Variants in PPP2R1A observed in about 807,000 individuals in gnomAD.
PPP2R1A encodes protein phosphatase 2 scaffold subunit Aalpha.
PPP2R1A carries 15 observed loss-of-function variants against 67.1 expected under a neutral mutation model. The ratio of observed to expected loss-of-function variants is 0.22; its 90% confidence interval spans 0.15 to 0.34. PPP2R1A has a LOEUF of 0.34. Ranked by LOEUF, PPP2R1A falls within the 10% of genes least tolerant of loss-of-function variation. The pLI is 1.00. For missense variants in PPP2R1A, 369 were observed against 775.0 expected (o/e 0.48, Z 6.22); for synonymous variants, 337 against 325.0 (o/e 1.04, Z -0.40).
At position 52,225,703 on chromosome 19, in the gene PPP2R1A, C is replaced by T. The variant is rs749546559; in HGVS notation, c.1662-14C>T. On this transcript the variant is annotated splice_polypyrimidine_tract_variant and intron_variant, in intron 13 of 14. Coordinates refer to ENST00000322088, the MANE Select transcript of PPP2R1A (RefSeq NM_014225.6). ...GGCTCACCCTCTCTCTCCCTGTCTC[C>T]TTTCGCTTTCCAGCACCTTGCAGAG... is the stretch of plus-strand genomic sequence containing the variant. 6.2e-7 allele frequency: 1 copy of T among 1,613,106 alleles called. No homozygotes were observed. The highest frequency in any genetic ancestry group is 8.5e-7 in the Non-Finnish European group (1 of 1,179,084).
rs1012758858 is a variant in PPP2R1A at position 52,219,988 on chromosome 19, C to A, written c.1302+124C>A. 10 of 1,316,998 alleles carry A rather than the reference C, an allele frequency of 7.6e-6. No individual in the cohort carries two copies. In the South Asian group the frequency reaches 1.4e-4, roughly 19 times the overall value. The allele number at this position is 1,316,998 out of a possible 1,614,324, so 81.6% of individuals were successfully genotyped here. ...AGGCTGTGACAACTGCCTGGGGAGT[C>A]GAAGGAAGGGACCCAGGAAATAGGG... is the stretch of plus-strand genomic sequence containing the variant. On this transcript the variant is annotated intron_variant, in intron 10 of 14. Coordinates refer to ENST00000322088, the MANE Select transcript of PPP2R1A (RefSeq NM_014225.6). This position sits in a 1 kb window ranked among gnomAD's most constrained non-coding sequence, Gnocchi z 4.0.
chr19:52,190,053 G>C lies in PPP2R1A; in HGVS notation c.-44G>C, dbSNP rs2089437328. 6.7e-7 allele frequency: 1 copy of C among 1,499,242 alleles called. No homozygotes were observed. The highest frequency in any genetic ancestry group is 9.0e-7 in the Non-Finnish European group (1 of 1,110,848). The allele number at this position is 1,499,242 out of a possible 1,614,324, so 92.9% of individuals were successfully genotyped here. On this transcript the variant is annotated 5_prime_UTR_variant, in exon 1 of 15. Coordinates refer to ENST00000322088, the MANE Select transcript of PPP2R1A (RefSeq NM_014225.6). ...CCAGCATTGCCCCCCCCACGTTTCA[G>C]CACAGCGCTGGCCGCAGTCTGACAG...
In PPP2R1A at chr19:52,211,292, G is replaced by A. The variant is rs766315805; in HGVS notation, c.303G>A (p.Glu101=). 7 of 1,613,162 alleles carry A rather than the reference G, an allele frequency of 4.3e-6. No individual in the cohort carries two copies. The East Asian group carries it at 1.6e-4, about 36-fold the overall frequency. The part of the protein sequence containing the change: ...PPLESLATVE[E]TVVRDKAVES... ...TGGAGTCGCTGGCCACAGTGGAGGAGACAGTGGTGCGGGACAAGGCAGTGG... is the reference window on the plus strand; with the variant it reads ...TGGAGTCGCTGGCCACAGTGGAGGAAACAGTGGTGCGGGACAAGGCAGTGG... The change falls in exon 4 of 15, where the codon GAG becomes GAA. Residue 101 remains glutamate, a synonymous_variant. Transcript: ENST00000322088. The surrounding 1 kb of genome is among the most constrained non-coding windows in gnomAD (Gnocchi z 5.3).
chr19:52,220,013 G>A, intron 10 of PPP2R1A, 149 bp downstream of exon 10: 1 of 1,238,634 alleles, frequency 8.1e-7, no homozygotes, highest in Non-Finnish European at 1.1e-6. Context: ...AGGAAATAGG[G>A]CCTTAAAAGA....
rs111434115 is a variant in PPP2R1A at position 52,202,892 on chromosome 19, G to A, written c.169+858G>A. On this transcript the variant is annotated intron_variant, in intron 2 of 14. Coordinates refer to ENST00000322088, the MANE Select transcript of PPP2R1A (RefSeq NM_014225.6). ...ACTGTATAGTACGTGCCGCCTAAGC[G>A]ATAGCTGCCAGGCTGTTACTAAGCA... Among the ~76,000 whole-genome samples the A allele has an allele frequency of 1.6e-3, 238 of 152,334 alleles. 1 individual carries two copies. Among genetic ancestry groups the A allele is most frequent in the African/African-American group, 5.6e-3 (231 of 41,572 alleles).
chr19:52,218,375 A>C (rs1259299280), intron 9 of PPP2R1A, among the ~76,000 whole-genome samples: 2 of 152,230 alleles, frequency 1.3e-5, no homozygotes, highest in Non-Finnish European at 2.9e-5. Flanking sequence ...GTAATCTCTT[A>C]GCCCCAGAAT....
In PPP2R1A at chr19:52,196,841, C is replaced by T. The variant is rs1459218764; in HGVS notation, c.79-5103C>T. ...CAGGTCCCCAAGTTGGCTGCCGAAG[C>T]CCCAACCATTATAGCTCCATTCCAG... On this transcript the variant is annotated intron_variant, in intron 1 of 14. Transcript: ENST00000322088. Among the ~76,000 whole-genome samples, 3 of 152,258 alleles carry T rather than the reference C, an allele frequency of 2.0e-5. No individual in the cohort carries two copies. In the East Asian group the frequency reaches 5.8e-4, roughly 29 times the overall value.
At position 52,201,928 on chromosome 19, in the gene PPP2R1A, C is replaced by G. The variant is rs757143630; in HGVS notation, c.79-16C>G. On this transcript the variant is annotated splice_polypyrimidine_tract_variant and intron_variant, in intron 1 of 14. Coordinates refer to ENST00000322088, the MANE Select transcript of PPP2R1A (RefSeq NM_014225.6). ...ATTTCTAACATTCTCCCCTCCTCTT[C>G]TTGTTCTCTCATTAGCTTCGCCTCA... The G allele has an allele frequency of 6.2e-7, 1 of 1,612,698 alleles. No homozygotes were observed. Among genetic ancestry groups the G allele is most frequent in the Admixed American group, 1.7e-5 (1 of 59,996 alleles).
At chr19:52,214,837 G>T (rs756114937) in intron 6 of PPP2R1A, among the ~76,000 whole-genome samples, 1 of 150,986 alleles carries the variant, frequency 6.6e-6, no homozygotes, top group African/African-American at 2.4e-5. Flanking sequence ...AGTGATTCTC[G>T]TGCCTTAGCC....
At chr19:52,210,334 C>T (rs1283149238) in intron 3 of PPP2R1A, among the ~76,000 whole-genome samples, 1 of 152,026 alleles carries the variant, frequency 6.6e-6, no homozygotes, top group Non-Finnish European at 1.5e-5. Context: ...CGAGCAGTCC[C>T]GAGCCCCATA....
At chr19:52,220,874 C>A in intron 11 of PPP2R1A, 105 bp from the exon 12 acceptor site, 1 of 1,347,368 alleles carries the variant, frequency 7.4e-7, no homozygotes, top group Non-Finnish European at 1.0e-6. Flanking sequence ...TGCAGCCTGG[C>A]ACCTAGGGGC....
chr19:52,201,757 T>A, intron 1 of PPP2R1A, 187 bp from the exon 2 acceptor site: 1 of 574,380 alleles, frequency 1.7e-6, no homozygotes, highest in South Asian at 2.0e-5. Flanking sequence ...GCCACTACTA[T>A]TGTTGTTATT....
intron 1 of PPP2R1A, among the ~76,000 whole-genome samples, chr19:52,194,088 CAAAAAAAA>C (rs915576804): frequency 9.9e-5 from 6 of 60,522 alleles, no homozygotes; most frequent in African/African-American, 1.4e-4. Flanking sequence ...ACCCTGTCTC[CAAAAAAAA>C]AAAAAAAAAA....
chr19:52,216,670 G>T lies in PPP2R1A; in HGVS notation c.1128+7G>T. On this transcript the variant is annotated splice_region_variant and intron_variant, in intron 9 of 14. Coordinates refer to ENST00000322088, the MANE Select transcript of PPP2R1A (RefSeq NM_014225.6). The surrounding 1 kb of genome is among the most constrained non-coding windows in gnomAD (Gnocchi z 4.3). ...GGCTCAGCTGAAGGATGAGGTAAGG[G>T]CACCAGGATCTCAGCTCTGGGTTTG... 1 of 1,614,104 alleles carries T rather than the reference G, an allele frequency of 6.2e-7. No homozygotes were observed. The highest frequency in any genetic ancestry group is 8.5e-7 in the Non-Finnish European group (1 of 1,180,018).
chr19:52,193,874 G>A (rs1267526642), intron 1 of PPP2R1A, among the ~76,000 whole-genome samples: 1 of 151,822 alleles, frequency 6.6e-6, no homozygotes, highest in Non-Finnish European at 1.5e-5. Context: ...CACTTTGGAA[G>A]GCCAAGGTGA....
rs970775792 is a variant in PPP2R1A, at chr19:52,228,868, G to A, written c.*2887G>A. 3.9e-5 allele frequency: 6 copies of A among 152,238 alleles called. No homozygotes were observed. The highest frequency in any genetic ancestry group is 8.8e-5 in the Non-Finnish European group (6 of 68,090). The allele number at this position is 152,238 out of a possible 1,614,324, so 9.4% of individuals were successfully genotyped here. A position where few individuals can be genotyped will look rare whatever the true frequency, so the allele number is the denominator to read the frequency against. On this transcript the variant is annotated 3_prime_UTR_variant, in exon 15 of 15. Transcript: ENST00000322088. ...CAGACATCTGGATGTGGATGAGGTC[G>A]AGTCACTTGTTGCCTTTGGCTAATG... is the stretch of plus-strand genomic sequence containing the variant.
At chr19:52,217,517 C>A (rs1260365106) in intron 9 of PPP2R1A, among the ~76,000 whole-genome samples, 1 of 152,146 alleles carries the variant, frequency 6.6e-6, no homozygotes, top group African/African-American at 2.4e-5. Flanking sequence ...GAGTTTTGAT[C>A]CCCAAAAGCC....
intron 1 of PPP2R1A, among the ~76,000 whole-genome samples, chr19:52,197,980 G>T (rs1173856777): frequency 1.3e-5 from 2 of 152,222 alleles, no homozygotes; most frequent in Non-Finnish European, 2.9e-5. Context: ...TGGACCAGCT[G>T]CCACGATGTC....
intron 1 of PPP2R1A, among the ~76,000 whole-genome samples, chr19:52,197,401 G>A (rs779801496): frequency 1.2e-4 from 18 of 152,114 alleles, no homozygotes; most frequent in Non-Finnish European, 2.1e-4. Context: ...AAAGCCGGGT[G>A]CAGTGGCTCA....
Sources: allele counts gnomAD v4.1 joint callset (sites outside exome capture counted in the v4.1 genomes callset), GRCh38; gene constraint gnomAD v4.1.1; non-coding constraint Gnocchi (gnomAD v3.1); transcripts MANE v1.5; gene names NCBI Gene and HGNC (gene_info 2026-07-23, HGNC 2026-07-21).